CADPS2: variants seen among roughly 807,000 people sequenced by gnomAD.
CADPS2 encodes the protein calcium-dependent secretion activator 2.
In CADPS2, 93 loss-of-function variants were observed where a neutral mutation model predicts 172.5. The observed-to-expected ratio is 0.54, with a 90% CI of 0.46 to 0.64. The LOEUF (loss-of-function observed/expected upper bound fraction) is 0.64, where lower values mean the gene tolerates loss of function less well. Ranked by LOEUF, CADPS2 falls within the 30% of genes least tolerant of loss-of-function variation. The probability of loss-of-function intolerance (pLI) is 0.00; values close to 1 mark genes in which losing one functional copy is unlikely to be tolerated. For synonymous variants in CADPS2, 546 were observed against 555.2 expected (o/e 0.98, Z 0.23); for missense variants, 1,420 against 1,565.9 (o/e 0.91, Z 1.57).
At chr7:122,456,195 T>A (rs1260086954) in intron 14 of CADPS2, among the ~76,000 whole-genome samples, 1 of 152,014 alleles carries the variant, frequency 6.6e-6, no homozygotes, top group Non-Finnish European at 1.5e-5. Context: ...ATCTTAAGAA[T>A]AGAATTTTTC....
intron 1 of CADPS2, among the ~76,000 whole-genome samples, chr7:122,833,981 C>A (rs977212294): frequency 2.0e-5 from 3 of 152,008 alleles, no homozygotes; most frequent in Admixed American, 6.6e-5. Flanking sequence ...AGATGAGAAA[C>A]AGATTTGAGC....
chr7:122,671,560 C>T (rs189085218), intron 2 of CADPS2, among the ~76,000 whole-genome samples: 303 of 151,518 alleles, frequency 2.0e-3, no homozygotes, highest in Non-Finnish European at 3.4e-3. Context: ...GTAAGACCAT[C>T]GCTTAAAAAA....
Position 122,477,052 on chromosome 7 carries a change from A to AAGAG in CADPS2, c.1862-2539_1862-2536dup, listed in dbSNP as rs541881529. On this transcript the variant is annotated intron_variant, in intron 12 of 29. Coordinates refer to ENST00000449022, the MANE Select transcript of CADPS2 (RefSeq NM_017954.11). Reference sequence around the variant, plus strand: ...GGAGAGGAGAGGAGAGGAGAGAGAGAAGAGAGAGAGAGAGAGAGAGAGAGA... The same window carrying AAGAG: ...GGAGAGGAGAGGAGAGGAGAGAGAGAAGAGAGAGAGAGAGAGAGAGAGAGAGAGA... 1.7e-3 allele frequency among the ~76,000 whole-genome samples: 43 copies of AAGAG among 26,002 alleles called. 1 individual carries two copies. The highest frequency in any genetic ancestry group is 9.0e-3 in the East Asian group (4 of 442). The allele number at this position is 26,002 out of a possible 152,430, so 17.1% of individuals were successfully genotyped here. A position where few individuals can be genotyped will look rare whatever the true frequency, so the allele number is the denominator to read the frequency against.
At chr7:122,602,206 A>T (rs868388049) in intron 6 of CADPS2, among the ~76,000 whole-genome samples, 2 of 152,062 alleles carry the variant, frequency 1.3e-5, no homozygotes, top group East Asian at 3.9e-4. Flanking sequence ...GAAAAAAAAA[A>T]AGTTTATTTT....
At chr7:122,508,025 C>G (rs1049926688) in intron 9 of CADPS2, among the ~76,000 whole-genome samples, 2 of 152,094 alleles carry the variant, frequency 1.3e-5, no homozygotes, top group Non-Finnish European at 2.9e-5. Context: ...TTTACAGATT[C>G]TCCACTATGT....
chr7:122,505,879 GTAA>G (rs1466986408), intron 9 of CADPS2, among the ~76,000 whole-genome samples: 2 of 152,054 alleles, frequency 1.3e-5, no homozygotes, highest in Non-Finnish European at 2.9e-5. Context: ...CCTTTGCAAG[GTAA>G]TAATAAATCA....
rs1353693926 is a variant in CADPS2 at position 122,590,363 on chromosome 7, A to C, written c.1224-9073T>G. 3.3e-5 allele frequency among the ~76,000 whole-genome samples: 5 copies of C among 152,036 alleles called. No individual in the cohort carries two copies. In the East Asian group the frequency reaches 9.7e-4, roughly 29 times the overall value. On this transcript the variant is annotated intron_variant, in intron 6 of 29. Transcript: ENST00000449022. ...AATGCATATTTATTAGTCATTTAAAAATTAATGGGATATCCAAATTGTTCT... is the reference window on the plus strand; with the variant it reads ...AATGCATATTTATTAGTCATTTAAACATTAATGGGATATCCAAATTGTTCT...
At chr7:122,357,867 T>C (rs897958730) in intron 27 of CADPS2, among the ~76,000 whole-genome samples, 4 of 152,192 alleles carry the variant, frequency 2.6e-5, no homozygotes, top group African/African-American at 7.2e-5. Flanking sequence ...TGGTTATTTA[T>C]ACATTGACGT....
intron 2 of CADPS2, among the ~76,000 whole-genome samples, chr7:122,669,036 A>C (rs2081485201): frequency 2.0e-5 from 3 of 152,182 alleles, no homozygotes; most frequent in African/African-American, 7.2e-5. Flanking sequence ...TGAGAGCTTA[A>C]TAAAAATTTG....
chr7:122,831,574 A>G (rs1224015458), intron 1 of CADPS2, among the ~76,000 whole-genome samples: 4 of 152,196 alleles, frequency 2.6e-5, no homozygotes, highest in Non-Finnish European at 5.9e-5. Context: ...TTGCTGTTTC[A>G]CATTAAGTCC....
At chr7:122,325,160 TGATAA>T (rs1390631179) in intron 29 of CADPS2, among the ~76,000 whole-genome samples, 5 of 152,170 alleles carry the variant, frequency 3.3e-5, no homozygotes, top group African/African-American at 1.2e-4. Flanking sequence ...AATTGTATTA[TGATAA>T]AACATTCATA....
At chr7:122,436,325 AAAT>A (rs1231485082) in intron 17 of CADPS2, 1 of 1,232,902 alleles carries the variant, frequency 8.1e-7, no homozygotes, top group Non-Finnish European at 1.1e-6. Flanking sequence ...ACCACATGAG[AAAT>A]AATGGCTTGT....
intron 1 of CADPS2, among the ~76,000 whole-genome samples, chr7:122,770,834 C>A (rs1401803786): frequency 6.6e-6 from 1 of 152,172 alleles, no homozygotes. Context: ...GCAGGGCACT[C>A]AAGCAGGTTC....
At chr7:122,652,257 A>G (rs530663750) in intron 3 of CADPS2, among the ~76,000 whole-genome samples, 1 of 152,258 alleles carries the variant, frequency 6.6e-6, no homozygotes, top group South Asian at 2.1e-4. Flanking sequence ...CTCTACATAT[A>G]TATATATGCT....
chr7:122,590,452 T>C (rs1333893303), intron 6 of CADPS2, among the ~76,000 whole-genome samples: 3 of 151,958 alleles, frequency 2.0e-5, no homozygotes, highest in Admixed American at 6.6e-5. Context: ...CATGGATTTA[T>C]GTAATTCTTT....
intron 8 of CADPS2, among the ~76,000 whole-genome samples, chr7:122,538,965 T>C (rs2062618835): frequency 6.6e-6 from 1 of 152,124 alleles, no homozygotes. Context: ...TAACAATGAA[T>C]GTAGGTCTTA....
At chr7:122,793,729 T>C (rs1434655124) in intron 1 of CADPS2, among the ~76,000 whole-genome samples, 1 of 152,166 alleles carries the variant, frequency 6.6e-6, no homozygotes, top group Non-Finnish European at 1.5e-5. Flanking sequence ...GCGTCACTGG[T>C]CTATGTACTT....
intron 1 of CADPS2, among the ~76,000 whole-genome samples, chr7:122,799,830 T>C (rs1404167472): frequency 6.6e-6 from 1 of 152,132 alleles, no homozygotes. Flanking sequence ...TTGTTCAATG[T>C]CTCATATTCA....
intron 1 of CADPS2, among the ~76,000 whole-genome samples, chr7:122,833,673 G>T (rs1422719129): frequency 6.6e-6 from 1 of 152,100 alleles, no homozygotes; most frequent in Non-Finnish European, 1.5e-5. Context: ...TGGGGTTACA[G>T]ACATGAGCCA....
Sources: allele counts gnomAD v4.1 joint callset (sites outside exome capture counted in the v4.1 genomes callset), GRCh38; gene constraint gnomAD v4.1.1; transcripts MANE v1.5; gene names NCBI Gene and HGNC (gene_info 2026-07-23, HGNC 2026-07-21).